Variants in ATP13A4 observed in about 807,000 individuals in gnomAD.
The protein encoded by ATP13A4 is ATPase 13A4.
A neutral mutation model predicts 142.5 loss-of-function variants in ATP13A4; 114 were observed. The ratio of observed to expected loss-of-function variants is 0.80; its 90% CI spans 0.69 to 0.93. The LOEUF is 0.93. ATP13A4 is among the 40% of genes least tolerant of loss of function. The pLI, the probability that ATP13A4 is intolerant of heterozygous loss-of-function variation, is 0.00. For synonymous variants in ATP13A4, 488 were observed against 514.8 expected (o/e 0.95, Z 0.70); for missense variants, 1,392 against 1,454.0 (o/e 0.96, Z 0.69).
intron 10 of ATP13A4, among the ~76,000 whole-genome samples, 163 bp downstream of exon 10, chr3:193,467,153 C>T (rs1325746555): frequency 6.6e-6 from 1 of 151,856 alleles, no homozygotes; most frequent in African/African-American, 2.4e-5. Context: ...TCTCAGGTAT[C>T]CCATAAGTAT....
intron 28 of ATP13A4, among the ~76,000 whole-genome samples, chr3:193,409,891 G>C (rs914598535): frequency 6.6e-6 from 1 of 152,078 alleles, no homozygotes; most frequent in Admixed American, 6.6e-5. Context: ...CATTCTTTGT[G>C]GAAGGCACTG....
At chr3:193,403,041 G>A (rs976804183) in intron 29 of ATP13A4, among the ~76,000 whole-genome samples, 177 bp from the exon 30 acceptor site, 9 of 152,238 alleles carry the variant, frequency 5.9e-5, no homozygotes, top group South Asian at 2.1e-4. Context: ...TTTCTCAAAC[G>A]TTTCTACTTA....
intron 1 of ATP13A4, among the ~76,000 whole-genome samples, chr3:193,587,325 T>C (rs1022386880): frequency 6.6e-6 from 1 of 152,266 alleles, no homozygotes; most frequent in Non-Finnish European, 1.5e-5. Flanking sequence ...CATCTTCTGG[T>C]GGCTACCAGC....
chr3:193,453,964 C>T, intron 17 of ATP13A4, 137 bp downstream of exon 17: 1 of 746,314 alleles, frequency 1.3e-6, no homozygotes, highest in South Asian at 1.5e-5. Flanking sequence ...ATGTTATGCA[C>T]ACAAATTCAG....
At chr3:193,441,656 C>G (rs974246000) in intron 19 of ATP13A4, 68 bp from the exon 20 acceptor site, 1 of 1,564,902 alleles carries the variant, frequency 6.4e-7, no homozygotes, top group Admixed American at 1.7e-5. Context: ...ATAAGCATAT[C>G]TGAGAGAAGT....
chr3:193,416,587 G>C (rs1410413439), intron 25 of ATP13A4, among the ~76,000 whole-genome samples: 1 of 152,030 alleles, frequency 6.6e-6, no homozygotes, highest in African/African-American at 2.4e-5. Context: ...GACTTGAGCA[G>C]GCAGTTTGCT....
chr3:193,490,310 C>T (rs1236609270), intron 6 of ATP13A4, among the ~76,000 whole-genome samples: 1 of 152,178 alleles, frequency 6.6e-6, no homozygotes, highest in Non-Finnish European at 1.5e-5. Flanking sequence ...ATGTTGTCAC[C>T]TCCTGTCTAC....
At chr3:193,468,853 T>C (rs1718456347) in intron 9 of ATP13A4, among the ~76,000 whole-genome samples, 1 of 152,236 alleles carries the variant, frequency 6.6e-6, no homozygotes, top group Non-Finnish European at 1.5e-5. Flanking sequence ...TAGTTCTGAC[T>C]TGGGAGAATA....
upstream of ATP13A4, chr3:193,555,177 G>C: frequency 1.1e-5 from 4 of 353,454 alleles, no homozygotes; most frequent in South Asian, 9.3e-5. Context: ...GGACAATACA[G>C]AGTTGGCAGG....
At chr3:193,463,577 C>G (rs1266263800) in intron 12 of ATP13A4, among the ~76,000 whole-genome samples, 1 of 152,020 alleles carries the variant, frequency 6.6e-6, no homozygotes, top group Non-Finnish European at 1.5e-5. Flanking sequence ...TGGTCATAAT[C>G]TCAGAGAGCT....
intron 25 of ATP13A4, among the ~76,000 whole-genome samples, chr3:193,420,317 T>G (rs559010406): frequency 6.7e-6 from 1 of 150,124 alleles, no homozygotes; most frequent in African/African-American, 2.4e-5. Context: ...CTACTGCATC[T>G]TCTCGGAATC....
chr3:193,588,569 C>T (rs942941713), intron 1 of ATP13A4, among the ~76,000 whole-genome samples: 22 of 152,154 alleles, frequency 1.4e-4, no homozygotes, highest in African/African-American at 5.3e-4. Context: ...GTTAAGGGCC[C>T]TCACACTTGA....
chr3:193,404,038 G>A (rs571493860), intron 29 of ATP13A4: 16 of 985,228 alleles, frequency 1.6e-5, no homozygotes, highest in African/African-American at 7.0e-5. Context: ...TGCTGGCTGC[G>A]GGGCTGTTAA....
Position 193,402,229 on chromosome 3 carries a change from G to A in ATP13A4, c.*423C>T, listed in dbSNP as rs977673661. On this transcript the variant is annotated 3_prime_UTR_variant, in exon 30 of 30. Transcript: ENST00000342695. Reference sequence around the variant, plus strand: ...TAAAGATTGGTGTAATGTTTCCCACGCATTAGTTTTTCCATCGATGAAGTA... The same window carrying A: ...TAAAGATTGGTGTAATGTTTCCCACACATTAGTTTTTCCATCGATGAAGTA... 8.7e-5 allele frequency: 15 copies of A among 173,330 alleles called. No homozygotes were observed. The highest frequency in any genetic ancestry group is 1.7e-4 in the Admixed American group (3 of 17,954). The allele number at this position is 173,330 out of a possible 1,614,324, so 10.7% of individuals were successfully genotyped here. A position where few individuals can be genotyped will look rare whatever the true frequency, so the allele number is the denominator to read the frequency against.
At chr3:193,508,366 T>G (rs1720966101) in intron 2 of ATP13A4, among the ~76,000 whole-genome samples, 1 of 152,210 alleles carries the variant, frequency 6.6e-6, no homozygotes, top group African/African-American at 2.4e-5. Flanking sequence ...TTCACAATGC[T>G]GCCTCTGTAG....
upstream of ATP13A4, chr3:193,554,927 C>A: frequency 6.2e-7 from 1 of 1,602,442 alleles, no homozygotes; most frequent in Non-Finnish European, 8.5e-7. Flanking sequence ...GGTTAAAACT[C>A]CTCCTTGAGC....
intron 25 of ATP13A4, among the ~76,000 whole-genome samples, chr3:193,428,545 T>G (rs1715798727): frequency 6.6e-6 from 1 of 152,044 alleles, no homozygotes; most frequent in Admixed American, 6.6e-5. Flanking sequence ...CCAACACAAA[T>G]GTCCAACAAT....
At chr3:193,411,192 TA>T (rs1299353472) in intron 27 of ATP13A4, 122 bp from the exon 28 acceptor site, 1 of 742,320 alleles carries the variant, frequency 1.3e-6, no homozygotes, top group Non-Finnish European at 2.4e-6. Context: ...ATCCAAATAC[TA>T]GATGGAAAGT....
At chr3:193,572,765 T>C (rs1235238516) in intron 2 of ATP13A4, among the ~76,000 whole-genome samples, 3 of 151,896 alleles carry the variant, frequency 2.0e-5, no homozygotes, top group Non-Finnish European at 4.4e-5. Context: ...TACATGCACG[T>C]GATGGAACCA....
Sources: gnomAD v4.1 joint callset for allele counts (sites outside exome capture counted in the v4.1 genomes callset) on GRCh38, gnomAD v4.1.1 for gene constraint, MANE v1.5 for transcripts, NCBI Gene and HGNC (gene_info 2026-07-23, HGNC 2026-07-21) for gene names.